Variants in ATP8B4 observed in about 807,000 individuals in gnomAD.
ATP8B4 encodes probable phospholipid-transporting ATPase IM.
Under a neutral mutation model 145.6 loss-of-function variants are expected in ATP8B4, and 133 were observed. The ratio of observed to expected loss-of-function variants is 0.91; its 90% CI spans 0.79 to 1.05. ATP8B4 has a LOEUF of 1.05. Among genes scored for constraint, ATP8B4 ranks in the 50% least tolerant of loss-of-function variants. The probability of loss-of-function intolerance (pLI) is 0.00; values close to 1 mark genes in which losing one functional copy is unlikely to be tolerated. For missense variants in ATP8B4, 1,458 were observed against 1,425.2 expected, an observed-to-expected ratio of 1.02 and a Z score of -0.37; for synonymous variants, 507 against 492.9, an observed-to-expected ratio of 1.03 and a Z score of -0.38.
intron 20 of ATP8B4, chr15:49,907,951 A>G: frequency 2.3e-6 from 1 of 430,272 alleles, no homozygotes; most frequent in Non-Finnish European, 4.6e-6. Flanking sequence ...AGGTATGTTT[A>G]GGGAAACACA....
At chr15:49,901,580 A>C (rs1293221590) in intron 20 of ATP8B4, among the ~76,000 whole-genome samples, 1 of 152,194 alleles carries the variant, frequency 6.6e-6, no homozygotes, top group Non-Finnish European at 1.5e-5. Flanking sequence ...GGGCTTAAGA[A>C]CCACTATCTG....
At chr15:49,865,677 C>T (rs1189529950) in intron 26 of ATP8B4, among the ~76,000 whole-genome samples, 12 of 152,186 alleles carry the variant, frequency 7.9e-5, no homozygotes, top group Non-Finnish European at 2.9e-5. Flanking sequence ...CCCTACTTCT[C>T]GATGACCAGA....
chr15:49,961,011 T>C (rs879650749), intron 14 of ATP8B4, among the ~76,000 whole-genome samples: 5 of 152,020 alleles, frequency 3.3e-5, no homozygotes, highest in Non-Finnish European at 5.9e-5. Flanking sequence ...CGGGCGCCTG[T>C]AGTCCCAGCT....
chr15:50,052,961 T>C (rs1335368444), intron 3 of ATP8B4, among the ~76,000 whole-genome samples: 5 of 152,118 alleles, frequency 3.3e-5, no homozygotes, highest in Non-Finnish European at 5.9e-5. Context: ...TTTTAAAATA[T>C]CACCCTAGCT....
At chr15:49,984,758 T>C (rs2046442123) in intron 10 of ATP8B4, among the ~76,000 whole-genome samples, 1 of 151,874 alleles carries the variant, frequency 6.6e-6, no homozygotes, top group Non-Finnish European at 1.5e-5. Context: ...ATAAGCCTCC[T>C]AGGGCAGAAA....
chr15:49,959,242 T>C (rs1022129505), intron 14 of ATP8B4, among the ~76,000 whole-genome samples: 2 of 151,998 alleles, frequency 1.3e-5, no homozygotes, highest in African/African-American at 2.4e-5. Flanking sequence ...CAAAGGGCTA[T>C]TGCTAAATTC....
chr15:50,072,958 CT>C (rs2053872554), intron 3 of ATP8B4, among the ~76,000 whole-genome samples: 1 of 32,300 alleles, frequency 3.1e-5, no homozygotes, highest in Non-Finnish European at 5.4e-5. Flanking sequence ...CTCTCTCTCT[CT>C]CTCTCTCTCT....
At chr15:49,943,605 TA>T (rs2042335942) in intron 14 of ATP8B4, among the ~76,000 whole-genome samples, 1 of 152,032 alleles carries the variant, frequency 6.6e-6, no homozygotes, top group South Asian at 2.1e-4. Context: ...CAACAAAGAA[TA>T]ACAGACCCAG....
At chr15:49,949,363 C>A (rs1418279453) in intron 14 of ATP8B4, among the ~76,000 whole-genome samples, 2 of 152,222 alleles carry the variant, frequency 1.3e-5, no homozygotes, top group East Asian at 3.9e-4. Flanking sequence ...GTTTGTAGTT[C>A]TCCTTGAAGA....
At chr15:49,943,310 A>T (rs770353960) in intron 14 of ATP8B4, among the ~76,000 whole-genome samples, 20 of 152,154 alleles carry the variant, frequency 1.3e-4, no homozygotes, top group Non-Finnish European at 2.9e-4. Context: ...TTATTTAAAT[A>T]AATAATGCCT....
chr15:50,030,600 G>A (rs1223711325), intron 6 of ATP8B4, among the ~76,000 whole-genome samples: 1 of 152,180 alleles, frequency 6.6e-6, no homozygotes. Flanking sequence ...TGGCTAAGGA[G>A]TGTATGAAAT....
Position 49,931,115 on chromosome 15 carries a change from A to G in ATP8B4, c.1642+4T>C, listed in dbSNP as rs2041213111. ...TCAAAAATAGTCTTAGCTACCAACCATACCTATGACAGACATCCTTTTTCT... is the reference window on the plus strand; with the variant it reads ...TCAAAAATAGTCTTAGCTACCAACCGTACCTATGACAGACATCCTTTTTCT... On this transcript the variant is annotated splice_donor_region_variant and intron_variant, in intron 16 of 27. Coordinates refer to ENST00000284509, the MANE Select transcript of ATP8B4 (RefSeq NM_024837.4). The G allele has an allele frequency of 6.2e-7, 1 of 1,606,820 alleles. No homozygotes were observed. The highest frequency in any genetic ancestry group is 8.5e-7 in the Non-Finnish European group (1 of 1,175,342).
chr15:50,085,701 C>T (rs2054859528), intron 2 of ATP8B4, among the ~76,000 whole-genome samples: 1 of 150,452 alleles, frequency 6.6e-6, no homozygotes, highest in African/African-American at 2.5e-5. Flanking sequence ...TTCAACAACT[C>T]CTAGTCAAAA....
intron 3 of ATP8B4, among the ~76,000 whole-genome samples, chr15:50,050,373 A>G (rs2052082653): frequency 6.6e-6 from 1 of 152,146 alleles, no homozygotes; most frequent in Non-Finnish European, 1.5e-5. Flanking sequence ...TGATCAACAA[A>G]AATTCCTAGA....
chr15:50,108,190 T>C, intron 1 of ATP8B4, among the ~76,000 whole-genome samples: 1 of 151,624 alleles, frequency 6.6e-6, no homozygotes, highest in East Asian at 1.9e-4. Flanking sequence ...AGACCATCCC[T>C]CCTAGCCCCG....
chr15:49,921,657 T>C (rs2040270594), intron 17 of ATP8B4, among the ~76,000 whole-genome samples: 1 of 152,212 alleles, frequency 6.6e-6, no homozygotes, highest in Non-Finnish European at 1.5e-5. Context: ...TGGCGTATGG[T>C]ACACATAGAG....
At chr15:49,978,990 T>C (rs906790594) in intron 12 of ATP8B4, among the ~76,000 whole-genome samples, 2 of 152,114 alleles carry the variant, frequency 1.3e-5, no homozygotes, top group African/African-American at 4.8e-5. Context: ...CCACCTACTA[T>C]ATTTTAACTC....
intron 1 of ATP8B4, among the ~76,000 whole-genome samples, chr15:50,179,900 T>C (rs1211721113): frequency 6.6e-6 from 1 of 152,192 alleles, no homozygotes; most frequent in Non-Finnish European, 1.5e-5. Flanking sequence ...CTAAGACATC[T>C]ATTAACCTCG....
chr15:50,065,794 AAAAT>A (rs1187400749), intron 3 of ATP8B4, among the ~76,000 whole-genome samples: 1 of 152,136 alleles, frequency 6.6e-6, no homozygotes, highest in Non-Finnish European at 1.5e-5. Flanking sequence ...AGTAAAAATA[AAAAT>A]AAATAAATAA....
Sources: gnomAD v4.1 joint callset for allele counts (sites outside exome capture counted in the v4.1 genomes callset) on GRCh38, gnomAD v4.1.1 for gene constraint, MANE v1.5 for transcripts, NCBI Gene and HGNC (gene_info 2026-07-23, HGNC 2026-07-21) for gene names.